GRM1: variants seen among roughly 807,000 people sequenced by gnomAD.
GRM1 encodes the protein metabotropic glutamate receptor 1.
Under a neutral mutation model 90.9 loss-of-function variants are expected in GRM1, and 33 were observed. The observed-to-expected ratio is 0.36, with a 90% CI of 0.28 to 0.49. The LOEUF is 0.49. Among genes scored for constraint, GRM1 ranks in the 20% least tolerant of loss-of-function variants. GRM1 has a pLI of 0.99. For missense variants in GRM1, 1,190 were observed against 1,534.3 expected, an observed-to-expected ratio of 0.78 and a Z score of 3.75; for synonymous variants, 700 against 613.2, an observed-to-expected ratio of 1.14 and a Z score of -2.09.
At chr6:146,302,378 CTTTTTT>C (rs1222086596) in intron 2 of GRM1, among the ~76,000 whole-genome samples, 7 of 141,330 alleles carry the variant, frequency 5.0e-5, no homozygotes, top group Admixed American at 2.9e-4. Context: ...ATACTGGTCA[CTTTTTT>C]TTTTTGAGAC....
chr6:146,187,369 A>T (rs1778769676), intron 2 of GRM1, among the ~76,000 whole-genome samples: 1 of 152,188 alleles, frequency 6.6e-6, no homozygotes, highest in South Asian at 2.1e-4. Context: ...TACAGACAGA[A>T]GGTGTTTTGT....
At chr6:146,221,562 A>G (rs1332852169) in intron 2 of GRM1, among the ~76,000 whole-genome samples, 2 of 152,158 alleles carry the variant, frequency 1.3e-5, no homozygotes, top group Non-Finnish European at 2.9e-5. Context: ...TCTATGGTGT[A>G]TATGTACCAC....
At chr6:146,348,995 A>G (rs1475058294) in intron 3 of GRM1, among the ~76,000 whole-genome samples, 1 of 151,976 alleles carries the variant, frequency 6.6e-6, no homozygotes, top group Non-Finnish European at 1.5e-5. Context: ...TATAGTAAGC[A>G]TTATAGCTCA....
chr6:146,275,724 CATT>C (rs1204916173), intron 2 of GRM1, among the ~76,000 whole-genome samples: 7 of 152,106 alleles, frequency 4.6e-5, no homozygotes, highest in Admixed American at 3.3e-4. Context: ...CATTTTTTCT[CATT>C]ATTTTCTCTT....
At chr6:146,402,566 A>G (rs1390443809) in intron 7 of GRM1, among the ~76,000 whole-genome samples, 1 of 152,138 alleles carries the variant, frequency 6.6e-6, no homozygotes, top group Admixed American at 6.5e-5. Context: ...TCACCCAATG[A>G]GTTTATTGCT....
chr6:146,291,327 T>C (rs907011185), intron 2 of GRM1, among the ~76,000 whole-genome samples: 4 of 151,364 alleles, frequency 2.6e-5, no homozygotes, highest in African/African-American at 9.7e-5. Context: ...ATATTGCTTT[T>C]TTTGATAAAT....
intron 1 of GRM1, among the ~76,000 whole-genome samples, chr6:146,089,504 A>G (rs544261188): frequency 6.6e-6 from 1 of 152,250 alleles, no homozygotes; most frequent in Non-Finnish European, 1.5e-5. Flanking sequence ...ATTTGTGATA[A>G]TTTGTTACCC....
intron 7 of GRM1, among the ~76,000 whole-genome samples, chr6:146,409,184 G>A (rs532729753): frequency 1.3e-4 from 20 of 152,210 alleles, no homozygotes; most frequent in East Asian, 7.7e-4. Flanking sequence ...CTCCTGTCTC[G>A]CCCTATGCCT....
At chr6:146,294,779 C>A (rs923005901) in intron 2 of GRM1, among the ~76,000 whole-genome samples, 1 of 152,156 alleles carries the variant, frequency 6.6e-6, no homozygotes, top group Admixed American at 6.5e-5. Context: ...GAGACACTGA[C>A]TTTCTTTATT....
At chr6:146,430,256 C>A (rs1020674198) in intron 7 of GRM1, among the ~76,000 whole-genome samples, 1 of 152,204 alleles carries the variant, frequency 6.6e-6, no homozygotes, top group Admixed American at 6.5e-5. Context: ...AAAGCAAGAT[C>A]CCGAACCTGT....
intron 2 of GRM1, among the ~76,000 whole-genome samples, chr6:146,184,603 G>T (rs1163588909): frequency 1.3e-5 from 2 of 152,096 alleles, no homozygotes; most frequent in African/African-American, 4.8e-5. Context: ...GGTAAGCAAA[G>T]CACAGATTTC....
chr6:146,196,463 A>ATTTTTTTTTT (rs772811053), intron 2 of GRM1, among the ~76,000 whole-genome samples: 52 of 85,832 alleles, frequency 6.1e-4, no homozygotes, highest in African/African-American at 1.4e-3. Context: ...AATTTTTTGT[A>ATTTTTTTTTT]TTTTTTTTTT....
chr6:146,402,320 C>T (rs1315710410), intron 7 of GRM1, among the ~76,000 whole-genome samples: 3 of 152,100 alleles, frequency 2.0e-5, no homozygotes, highest in South Asian at 2.1e-4. Context: ...CATCTGTTTA[C>T]TCATTTTTCT....
chr6:146,290,661 T>C (rs1782948269), intron 2 of GRM1, among the ~76,000 whole-genome samples: 1 of 152,180 alleles, frequency 6.6e-6, no homozygotes, highest in Non-Finnish European at 1.5e-5. Flanking sequence ...TGGGAATGTC[T>C]ATATACTGGT....
intron 2 of GRM1, among the ~76,000 whole-genome samples, chr6:146,216,758 A>G (rs886097868): frequency 2.6e-5 from 4 of 152,228 alleles, no homozygotes; most frequent in Non-Finnish European, 4.4e-5. Context: ...GCTGAAGTCA[A>G]GTTATCACTC....
chr6:146,427,741 G>C (rs9497541), intron 7 of GRM1, among the ~76,000 whole-genome samples: 4 of 152,242 alleles, frequency 2.6e-5, no homozygotes, highest in African/African-American at 9.6e-5. Flanking sequence ...AGGTGTCTGC[G>C]CATCTAGGTC....
chr6:146,098,582 A>G (rs2128869693), intron 1 of GRM1, among the ~76,000 whole-genome samples: 1 of 152,150 alleles, frequency 6.6e-6, no homozygotes, highest in East Asian at 1.9e-4. Context: ...TATTGGGTAA[A>G]TGTTATTTTC....
At chr6:146,197,673 G>A (rs1779167549) in intron 2 of GRM1, among the ~76,000 whole-genome samples, 1 of 152,162 alleles carries the variant, frequency 6.6e-6, no homozygotes, top group African/African-American at 2.4e-5. Flanking sequence ...CTAGCCTTGA[G>A]GCACAACTGT....
At chr6:146,208,862 C>T (rs1273696698) in intron 2 of GRM1, among the ~76,000 whole-genome samples, 2 of 152,096 alleles carry the variant, frequency 1.3e-5, no homozygotes, top group East Asian at 1.9e-4. Context: ...TGATTATAAA[C>T]AGCATAGTTT....
Sources: gnomAD v4.1 joint callset for allele counts (sites outside exome capture counted in the v4.1 genomes callset) on GRCh38, gnomAD v4.1.1 for gene constraint, MANE v1.5 for transcripts, NCBI Gene and HGNC (gene_info 2026-07-23, HGNC 2026-07-21) for gene names.